The following FRMPD4 variants were observed in gnomAD, a reference collection of about 807,000 sequenced individuals.
The protein encoded by FRMPD4 is FERM and PDZ domain containing 4.
Under a neutral mutation model 94.1 loss-of-function variants are expected in FRMPD4, and 22 were observed. That is an observed-to-expected ratio of 0.23 (90% CI 0.17 to 0.33). The LOEUF is 0.33. FRMPD4 is among the 10% of genes least tolerant of loss of function. FRMPD4 has a pLI of 1.00. For missense variants in FRMPD4, 1,111 were observed against 1,339.9 expected, an observed-to-expected ratio of 0.83 and a Z score of 2.67; for synonymous variants, 631 against 548.6, an observed-to-expected ratio of 1.15 and a Z score of -2.10.
At chrX:12,604,014 A>C (rs746341275) in intron 2 of FRMPD4, among the ~76,000 whole-genome samples, 4 of 110,465 alleles carry the variant, frequency 3.6e-5, no homozygotes, top group Non-Finnish European at 7.6e-5. Flanking sequence ...CTCAACATGC[A>C]AGCAAAACAA....
chrX:12,383,117 G>A (rs953112532), intron 1 of FRMPD4, among the ~76,000 whole-genome samples: 10 of 111,698 alleles, frequency 9.0e-5, no homozygotes, highest in African/African-American at 3.3e-4. Context: ...CCTTACATCT[G>A]TGGAGGTACC....
intron 1 of FRMPD4, among the ~76,000 whole-genome samples, chrX:12,347,992 A>G (rs2055741131): frequency 8.9e-6 from 1 of 112,143 alleles, no homozygotes; most frequent in Admixed American, 9.5e-5. Flanking sequence ...TATATTTGAT[A>G]TCCACATATT....
chrX:11,834,404 C>T (rs2053490953), intron 1 of FRMPD4, among the ~76,000 whole-genome samples: 1 of 111,952 alleles, frequency 8.9e-6, no homozygotes, highest in African/African-American at 3.2e-5. Flanking sequence ...GTCTTGATCT[C>T]CCTTGATGAC....
chrX:12,705,595 T>A (rs1257853125), intron 11 of FRMPD4, among the ~76,000 whole-genome samples: 1 of 111,364 alleles, frequency 9.0e-6, no homozygotes, highest in Non-Finnish European at 1.9e-5. Flanking sequence ...ACTTCCCAAT[T>A]TCATGGGAAG....
At chrX:12,394,022 T>C (rs2056511402) in intron 1 of FRMPD4, among the ~76,000 whole-genome samples, 1 of 111,439 alleles carries the variant, frequency 9.0e-6, no homozygotes, top group African/African-American at 3.3e-5. Flanking sequence ...ATAAACCATA[T>C]GGTGATATAA....
At chrX:12,138,314 G>A (rs1429427748), upstream of FRMPD4, among the ~76,000 whole-genome samples, 1 of 112,192 alleles carries the variant, frequency 8.9e-6, no homozygotes, top group African/African-American at 3.2e-5. Context: ...GGAGGGAGGG[G>A]TAGCGTTCAC....
chrX:12,330,628 C>T (rs1273200410), intron 1 of FRMPD4, among the ~76,000 whole-genome samples: 3 of 111,337 alleles, frequency 2.7e-5, no homozygotes, highest in South Asian at 3.8e-4. Context: ...CCCTAGTGGT[C>T]GGTGGACTGC....
At chrX:12,152,647 A>G (rs2055870764) in intron 1 of FRMPD4, among the ~76,000 whole-genome samples, 1 of 111,544 alleles carries the variant, frequency 9.0e-6, no homozygotes, top group Non-Finnish European at 1.9e-5. Context: ...TGAATGAAAC[A>G]TAAGAGATAG....
intron 3 of FRMPD4, among the ~76,000 whole-genome samples, chrX:12,050,556 A>G (rs1479000833): frequency 8.9e-6 from 1 of 111,886 alleles, no homozygotes; most frequent in East Asian, 2.8e-4. Context: ...ACATGACTGT[A>G]TATGTGTATA....
In FRMPD4 at chrX:12,678,404, T is replaced by C. The variant is rs1443611332; in HGVS notation, c.468+3496T>C. 5.3e-5 allele frequency among the ~76,000 whole-genome samples: 6 copies of C among 112,678 alleles called. No individual in the cohort carries two copies. In the Admixed American group the frequency reaches 5.6e-4, roughly 11 times the overall value. Reference sequence around the variant, plus strand: ...TCCGATATACCGTCTTCTTTCCTTGTACTGTTACCCTTTTTTATTATAGAT... The same window carrying C: ...TCCGATATACCGTCTTCTTTCCTTGCACTGTTACCCTTTTTTATTATAGAT... On this transcript the variant is annotated intron_variant, in intron 5 of 16. Transcript: ENST00000675598.
intron 3 of FRMPD4, among the ~76,000 whole-genome samples, chrX:12,022,286 T>A (rs935012936): frequency 8.9e-6 from 1 of 112,617 alleles, no homozygotes. Flanking sequence ...TCTGCATTTG[T>A]GAGAACTGCT....
At chrX:12,378,523 G>A (rs1403019130) in intron 1 of FRMPD4, among the ~76,000 whole-genome samples, 1 of 112,343 alleles carries the variant, frequency 8.9e-6, no homozygotes, top group Admixed American at 9.4e-5. Context: ...GGGGTGAAGA[G>A]CACTCATCAT....
At chrX:11,997,092 A>C (rs911985822) in intron 3 of FRMPD4, among the ~76,000 whole-genome samples, 1 of 111,336 alleles carries the variant, frequency 9.0e-6, no homozygotes, top group African/African-American at 3.3e-5. Context: ...TGGGATGCAA[A>C]AGGGGATTTA....
At chrX:11,884,552 A>G (rs2053834334) in intron 3 of FRMPD4, among the ~76,000 whole-genome samples, 1 of 111,623 alleles carries the variant, frequency 9.0e-6, no homozygotes, top group African/African-American at 3.3e-5. Context: ...GCAAACACAC[A>G]TTAGAAGAAC....
At chrX:12,652,434 C>T (rs2059604327) in intron 4 of FRMPD4, among the ~76,000 whole-genome samples, 1 of 111,675 alleles carries the variant, frequency 9.0e-6, no homozygotes, top group Non-Finnish European at 1.9e-5. Flanking sequence ...TAATTATATT[C>T]ACAATATTGT....
chrX:12,524,627 A>G (rs1027978210), intron 2 of FRMPD4, among the ~76,000 whole-genome samples: 17 of 111,701 alleles, frequency 1.5e-4, no homozygotes, highest in Admixed American at 9.5e-4. Context: ...GTCTTGGAAA[A>G]GATGATGTGT....
chrX:12,556,693 T>C (rs1297823047), intron 2 of FRMPD4, among the ~76,000 whole-genome samples: 1 of 111,948 alleles, frequency 8.9e-6, no homozygotes, highest in African/African-American at 3.3e-5. Context: ...TAGAAGACTA[T>C]TACAATTAGA....
intron 3 of FRMPD4, among the ~76,000 whole-genome samples, chrX:12,007,444 T>C (rs2054559542): frequency 8.9e-6 from 1 of 112,046 alleles, no homozygotes; most frequent in African/African-American, 3.2e-5. Context: ...CATCTCTTTT[T>C]TCTACTCTTT....
chrX:11,950,462 A>C lies in FRMPD4; in HGVS notation c.95+72444A>C, dbSNP rs916599532. Among the ~76,000 whole-genome samples, 3 of 111,684 alleles carry C rather than the reference A, an allele frequency of 2.7e-5. No individual in the cohort carries two copies. In the Admixed American group the frequency reaches 2.9e-4, roughly 11 times the overall value. On this transcript the variant is annotated intron_variant, in intron 3 of 18. Transcript: ENST00000640291. ...CTCTCTTAGAAAATTTCCAGTATAC[A>C]ACACAGTATTATTAATTAGATTCCT...
Sources: gnomAD v4.1 joint callset for allele counts (sites outside exome capture counted in the v4.1 genomes callset) on GRCh38, gnomAD v4.1.1 for gene constraint, MANE v1.5 for transcripts, NCBI Gene and HGNC (gene_info 2026-07-23, HGNC 2026-07-21) for gene names.